The following ZNF385B variants were observed in gnomAD, a reference collection of about 807,000 sequenced individuals.
ZNF385B encodes the protein zinc finger protein 533.
ZNF385B carries 23 observed loss-of-function variants against 39.2 expected under a neutral mutation model. The observed-to-expected ratio is 0.59, with a 90% CI of 0.42 to 0.83. The LOEUF is 0.83. Ranked by LOEUF, ZNF385B falls within the 40% of genes least tolerant of loss-of-function variation. The pLI, the probability that ZNF385B is intolerant of heterozygous loss-of-function variation, is 0.00. For synonymous variants in ZNF385B, 205 were observed against 222.6 expected (o/e 0.92, Z 0.70); for missense variants, 552 against 598.9 (o/e 0.92, Z 0.82).
chr2:179,609,222 C>T (rs749159557), intron 3 of ZNF385B, among the ~76,000 whole-genome samples: 9 of 152,104 alleles, frequency 5.9e-5, no homozygotes, highest in Non-Finnish European at 1.3e-4. Flanking sequence ...CCCAACCCTA[C>T]TACCCTTCCC....
rs1246792267 is a variant in ZNF385B, at chr2:179,495,923, T to G, written c.553-12489A>C. Among the ~76,000 whole-genome samples, 5 of 152,130 alleles carry G rather than the reference T, an allele frequency of 3.3e-5. No individual in the cohort carries two copies. In the East Asian group the frequency reaches 9.7e-4, roughly 29 times the overall value. On this transcript the variant is annotated intron_variant, in intron 5 of 9. Transcript: ENST00000410066. The stretch of plus-strand genomic sequence containing the variant: ...AGGCAGTGAAGACTACCTAAATACC[T>G]AACTCTTCAATGCCCAAAGAACATC...
intron 3 of ZNF385B, among the ~76,000 whole-genome samples, chr2:179,755,901 G>A (rs992525208): frequency 2.0e-5 from 3 of 152,122 alleles, no homozygotes; most frequent in African/African-American, 7.2e-5. Context: ...GCTAGTCTGT[G>A]TCTTTTAATT....
intron 3 of ZNF385B, among the ~76,000 whole-genome samples, chr2:179,756,666 CT>C (rs1173852884): frequency 6.7e-6 from 1 of 148,504 alleles, no homozygotes; most frequent in African/African-American, 2.4e-5. Flanking sequence ...ACCTTCGAGG[CT>C]TTGTTTGTTT....
intron 4 of ZNF385B, among the ~76,000 whole-genome samples, chr2:179,528,482 G>C (rs953056255): frequency 5.9e-5 from 9 of 152,126 alleles, no homozygotes; most frequent in African/African-American, 1.2e-4. Context: ...TGTTGTCTAA[G>C]AGCTAACAGT....
chr2:179,621,655 C>T (rs762095018), intron 3 of ZNF385B, among the ~76,000 whole-genome samples: 18 of 152,188 alleles, frequency 1.2e-4, no homozygotes, highest in Non-Finnish European at 2.5e-4. Context: ...TTACTTCCTC[C>T]CTGTTACAGC....
intron 4 of ZNF385B, 76 bp downstream of exon 4, chr2:179,544,751 G>GT (rs1219700547): frequency 1.3e-6 from 2 of 1,558,770 alleles, no homozygotes; most frequent in Non-Finnish European, 1.8e-6. Context: ...GAAACAGGCT[G>GT]TATCTATTGA....
At chr2:179,713,218 T>G (rs553770396) in intron 3 of ZNF385B, among the ~76,000 whole-genome samples, 1 of 152,350 alleles carries the variant, frequency 6.6e-6, no homozygotes, top group African/African-American at 2.4e-5. Flanking sequence ...AACCTCATCC[T>G]AAATCAAGGA....
intron 1 of ZNF385B, among the ~76,000 whole-genome samples, chr2:179,815,817 G>A (rs1370116299): frequency 6.6e-6 from 1 of 152,016 alleles, no homozygotes; most frequent in Non-Finnish European, 1.5e-5. Flanking sequence ...TTGTTTCCAG[G>A]ACACCACTCC....
chr2:179,611,356 C>T (rs12615265), intron 3 of ZNF385B, among the ~76,000 whole-genome samples: 22,060 of 152,092 alleles, frequency 0.15, 1,873 homozygotes, highest in East Asian at 0.25. Flanking sequence ...GATTGATTTG[C>T]GTATGTTAAA....
intron 3 of ZNF385B, among the ~76,000 whole-genome samples, chr2:179,711,474 G>A (rs936873635): frequency 2.0e-5 from 3 of 152,146 alleles, no homozygotes; most frequent in African/African-American, 7.2e-5. Flanking sequence ...ATGCTGGGGT[G>A]GAATGTACGG....
chr2:179,590,701 G>T (rs144766655), intron 3 of ZNF385B, among the ~76,000 whole-genome samples: 1,728 of 152,156 alleles, frequency 0.011, 19 homozygotes, highest in Admixed American at 0.023. Context: ...GGATCATGGG[G>T]GTGGTTTCCC....
chr2:179,583,869 T>G, intron 3 of ZNF385B: 1 of 1,287,100 alleles, frequency 7.8e-7, no homozygotes, highest in Non-Finnish European at 1.0e-6. Context: ...CAGATCTTAC[T>G]GCCCTCAGTC....
rs543187133 is a variant in ZNF385B, at chr2:179,493,552, C to T, written c.553-10118G>A. Reference sequence around the variant, plus strand: ...ACATATATGCGTATACATACGTGTACATGCACATATATGCGTATACATATG... The same window carrying T: ...ACATATATGCGTATACATACGTGTATATGCACATATATGCGTATACATATG... On this transcript the variant is annotated intron_variant, in intron 5 of 9. Transcript: ENST00000410066. Among the ~76,000 whole-genome samples the T allele has an allele frequency of 6.2e-4, 45 of 72,014 alleles. 1 individual carries two copies. In the Middle Eastern group the frequency reaches 0.074, roughly 118 times the overall value. The allele number at this position is 72,014 out of a possible 152,430, so 47.2% of individuals were successfully genotyped here.
At chr2:179,599,552 C>A (rs998539036) in intron 3 of ZNF385B, among the ~76,000 whole-genome samples, 2 of 152,128 alleles carry the variant, frequency 1.3e-5, no homozygotes, top group Non-Finnish European at 2.9e-5. Flanking sequence ...TGTTTTCTCT[C>A]CAGCTTTCTG....
chr2:179,817,872 T>C (rs867657936), intron 1 of ZNF385B, among the ~76,000 whole-genome samples: 1 of 152,214 alleles, frequency 6.6e-6, no homozygotes, highest in Admixed American at 6.5e-5. Context: ...TTCATGCGCA[T>C]ACGCAATTTT....
intron 4 of ZNF385B, among the ~76,000 whole-genome samples, chr2:179,536,754 T>C (rs182037184): frequency 6.6e-6 from 1 of 152,168 alleles, no homozygotes; most frequent in Non-Finnish European, 1.5e-5. Flanking sequence ...CATGTAGACA[T>C]GCAGTAAATG....
intron 1 of ZNF385B, among the ~76,000 whole-genome samples, chr2:179,842,865 A>C (rs1708608164): frequency 1.3e-5 from 2 of 152,168 alleles, no homozygotes. Flanking sequence ...ACTGGGAAAC[A>C]TGCTTGGATT....
At chr2:179,802,268 AT>A (rs1340938469) in intron 1 of ZNF385B, among the ~76,000 whole-genome samples, 2 of 152,078 alleles carry the variant, frequency 1.3e-5, no homozygotes, top group Non-Finnish European at 2.9e-5. Flanking sequence ...CCTGTTGGGC[AT>A]GTTCGTTTAT....
intron 3 of ZNF385B, among the ~76,000 whole-genome samples, chr2:179,606,396 TC>T (rs2106117699): frequency 6.6e-6 from 1 of 152,310 alleles, no homozygotes; most frequent in African/African-American, 2.4e-5. Context: ...TTACAGACTT[TC>T]TTGAAATGCC....
Sources: gnomAD v4.1 joint callset for allele counts (sites outside exome capture counted in the v4.1 genomes callset) on GRCh38, gnomAD v4.1.1 for gene constraint, MANE v1.5 for transcripts, NCBI Gene and HGNC (gene_info 2026-07-23, HGNC 2026-07-21) for gene names.